Variants in PTPRZ1 observed in about 807,000 individuals in gnomAD.
PTPRZ1 encodes receptor-type tyrosine-protein phosphatase zeta.
PTPRZ1 carries 82 observed loss-of-function variants against 214.1 expected under a neutral mutation model. The observed-to-expected ratio is 0.38, with a 90% CI of 0.32 to 0.46. The LOEUF (loss-of-function observed/expected upper bound fraction) is 0.46, where lower values mean the gene tolerates loss of function less well. PTPRZ1 is among the 20% of genes least tolerant of loss of function. PTPRZ1 has a pLI of 1.00. For missense variants in PTPRZ1, 2,603 were observed against 2,748.7 expected (o/e 0.95, Z 1.19); for synonymous variants, 945 against 987.9 (o/e 0.96, Z 0.81).
chr7:121,927,563 C>G (rs1385767189), intron 1 of PTPRZ1, among the ~76,000 whole-genome samples: 1 of 152,158 alleles, frequency 6.6e-6, no homozygotes, highest in Non-Finnish European at 1.5e-5. Context: ...TTACCTAACT[C>G]AAGCATCTCT....
At chr7:121,973,926 G>A (rs984170215) in intron 4 of PTPRZ1, among the ~76,000 whole-genome samples, 2 of 114,222 alleles carry the variant, frequency 1.8e-5, no homozygotes, top group African/African-American at 7.1e-5. Flanking sequence ...GGAGTGAGAC[G>A]CTGTCTCAAA....
intron 13 of PTPRZ1, among the ~76,000 whole-genome samples, chr7:122,026,027 T>C (rs1799198458): frequency 6.6e-6 from 1 of 152,188 alleles, no homozygotes; most frequent in Non-Finnish European, 1.5e-5. Flanking sequence ...CTAGAATATA[T>C]GGGCAAAAGT....
chr7:122,023,749 A>ATATATATAATGTATAATTTTATATATAAT (rs1453457881), intron 13 of PTPRZ1, among the ~76,000 whole-genome samples: 8 of 135,976 alleles, frequency 5.9e-5, no homozygotes, highest in East Asian at 2.0e-4. Flanking sequence ...ATATATAATT[A>ATATATATAATGTATAATTTTATATATAAT]TATATATAAT....
intron 18 of PTPRZ1, among the ~76,000 whole-genome samples, chr7:122,037,139 G>A (rs1799572062): frequency 6.6e-6 from 1 of 152,016 alleles, no homozygotes; most frequent in African/African-American, 2.4e-5. Flanking sequence ...GCTGGGCGTT[G>A]TGGCGGGCGC....
Position 122,012,907 on chromosome 7 carries a change from C to T in PTPRZ1, c.3861C>T (p.Tyr1287=), listed in dbSNP as rs759932294. The change falls in exon 12 of 30, where the codon TAC becomes TAT. Residue 1287 remains tyrosine (Y), a synonymous_variant. Transcript: ENST00000393386. ...ESSHQVVPSL[Y]SNDELFQTAN... Reference sequence around the variant, plus strand: ...CCCACCAAGTGGTACCTTCTTTGTACAGTAATGATGAGTTGTTCCAAACGG... The same window carrying T: ...CCCACCAAGTGGTACCTTCTTTGTATAGTAATGATGAGTTGTTCCAAACGG... 5.0e-6 allele frequency: 8 copies of T among 1,614,110 alleles called. No individual in the cohort carries two copies. The highest frequency in any genetic ancestry group is 3.3e-5 in the South Asian group (3 of 91,078).
intron 1 of PTPRZ1, among the ~76,000 whole-genome samples, chr7:121,878,198 C>T (rs986394564): frequency 1.3e-5 from 2 of 152,076 alleles, no homozygotes; most frequent in Non-Finnish European, 2.9e-5. Context: ...GCAGATGTAG[C>T]TATGTAATTT....
chr7:121,934,780 G>C (rs1377150910), intron 2 of PTPRZ1, among the ~76,000 whole-genome samples: 1 of 152,162 alleles, frequency 6.6e-6, no homozygotes, highest in Non-Finnish European at 1.5e-5. Context: ...CCTATCATCT[G>C]TAGATTTTTT....
In PTPRZ1 at chr7:122,012,129, C is replaced by T. The variant is rs751149388; in HGVS notation, c.3083C>T (p.Thr1028Ile). Residue 1028 changes from threonine to isoleucine, a missense_variant, in exon 12 of 30, where the codon ACA becomes ATA. Physicochemically the swap from Thr to Ile is moderately conservative, Grantham distance 89 (BLOSUM62 -1). Around this residue, in one of 6 missense-constraint regions of PTPRZ1, gnomAD observed 1,913 missense variants for 1,914.3 expected, o/e 1.00. Coordinates refer to ENST00000393386, the MANE Select transcript of PTPRZ1 (RefSeq NM_002851.3). ...ISSPVSVAEF[T>I]YTTSVFGDDN... ...TCACCTGTTTCTGTAGCTGAATTTA[C>T]ATATACAACATCTGTGTTTGGTGAT... 2 of 1,613,770 alleles carry T rather than the reference C, an allele frequency of 1.2e-6. No individual in the cohort carries two copies. Among genetic ancestry groups the T allele is most frequent in the African/African-American group, 1.3e-5 (1 of 75,030 alleles).
At chr7:121,935,677 C>T (rs991602515) in intron 2 of PTPRZ1, among the ~76,000 whole-genome samples, 7 of 152,106 alleles carry the variant, frequency 4.6e-5, no homozygotes, top group Non-Finnish European at 7.4e-5. Context: ...AAGTGATTCT[C>T]CTGCCTCAGC....
At chr7:122,041,673 G>C (rs919443486) in intron 21 of PTPRZ1, among the ~76,000 whole-genome samples, 4 of 152,152 alleles carry the variant, frequency 2.6e-5, no homozygotes, top group African/African-American at 7.2e-5. Context: ...CTGACTGTGT[G>C]CCAAGCCTTA....
intron 1 of PTPRZ1, among the ~76,000 whole-genome samples, chr7:121,879,085 A>G (rs576733911): frequency 6.6e-6 from 1 of 152,298 alleles, no homozygotes; most frequent in Non-Finnish European, 1.5e-5. Flanking sequence ...ATCCTCTATG[A>G]GGTTGGAGCT....
intron 2 of PTPRZ1, among the ~76,000 whole-genome samples, chr7:121,963,122 T>C (rs1398010666): frequency 6.6e-6 from 1 of 152,236 alleles, no homozygotes; most frequent in Non-Finnish European, 1.5e-5. Flanking sequence ...TACTAAGTAC[T>C]ATTGTTGACA....
At chr7:122,036,454 C>A in intron 17 of PTPRZ1, 146 bp from the exon 18 acceptor site, 1 of 608,212 alleles carries the variant, frequency 1.6e-6, no homozygotes, top group Non-Finnish European at 2.9e-6. Context: ...TCTTTGCTGT[C>A]TCTGTATCCC....
intron 13 of PTPRZ1, among the ~76,000 whole-genome samples, chr7:122,021,609 G>A (rs1180131935): frequency 6.6e-6 from 1 of 151,996 alleles, no homozygotes; most frequent in African/African-American, 2.4e-5. Context: ...GGGCATGGTA[G>A]GGCATGTCAT....
At chr7:121,886,412 A>G (rs1584602388) in intron 1 of PTPRZ1, among the ~76,000 whole-genome samples, 2 of 151,994 alleles carry the variant, frequency 1.3e-5, no homozygotes, top group Admixed American at 1.3e-4. Context: ...TCCCAAACAC[A>G]TACGTTAGTT....
intron 6 of PTPRZ1, among the ~76,000 whole-genome samples, chr7:121,982,724 T>G (rs1357376618): frequency 2.0e-5 from 3 of 152,182 alleles, no homozygotes; most frequent in Non-Finnish European, 4.4e-5. Flanking sequence ...CTACGTGCAG[T>G]GACTTTGCTA....
chr7:121,921,685 A>C (rs1258749271), intron 1 of PTPRZ1, among the ~76,000 whole-genome samples: 1 of 152,170 alleles, frequency 6.6e-6, no homozygotes, highest in African/African-American at 2.4e-5. Flanking sequence ...GACATTCAAA[A>C]GTACTTTTAT....
chr7:121,903,415 T>G (rs555836806), intron 1 of PTPRZ1, among the ~76,000 whole-genome samples: 1 of 152,308 alleles, frequency 6.6e-6, no homozygotes, highest in African/African-American at 2.4e-5. Flanking sequence ...TATTGCAGGC[T>G]TCTACTGTTG....
chr7:122,004,555 T>C, intron 10 of PTPRZ1, 59 bp from the exon 11 acceptor site: 1 of 940,888 alleles, frequency 1.1e-6, no homozygotes, highest in Non-Finnish European at 1.6e-6. Flanking sequence ...CAAAGGTAAA[T>C]CCACAAAGGC....
Sources: gnomAD v4.1 joint callset for allele counts (sites outside exome capture counted in the v4.1 genomes callset) on GRCh38, gnomAD v4.1.1 for gene constraint, gnomAD v4.1.1 regional missense constraint, MANE v1.5 for transcripts, NCBI Gene and HGNC (gene_info 2026-07-23, HGNC 2026-07-21) for gene names.